The following MYZAP variants were observed in gnomAD, a reference collection of about 807,000 sequenced individuals.
MYZAP encodes myocardial zonula adherens protein, also known as GRINL1A complex locus upstream.
A neutral mutation model predicts 69.4 loss-of-function variants in MYZAP; 66 were observed. The observed-to-expected ratio is 0.95, with a 90% CI of 0.78 to 1.17. The LOEUF (loss-of-function observed/expected upper bound fraction) is 1.17, where lower values mean the gene tolerates loss of function less well. Ranked by LOEUF, MYZAP falls within the 50% of genes most tolerant of loss-of-function variation. MYZAP has a pLI of 0.00. For synonymous variants in MYZAP, 256 were observed against 205.9 expected (o/e 1.24, Z -2.09); for missense variants, 611 against 556.2 (o/e 1.10, Z -0.99).
chr15:57,633,472 C>A, intron 7 of MYZAP, 141 bp from the exon 8 acceptor site: 2 of 1,254,552 alleles, frequency 1.6e-6, no homozygotes, highest in Non-Finnish European at 2.1e-6. Context: ...AGGTTGAGTT[C>A]ATGATCTGTG....
rs780470343 is a variant in MYZAP, at chr15:57,625,833, GC to G, written c.469del (p.Leu157TrpfsTer7). 6.2e-7 allele frequency: 1 copy of G among 1,614,130 alleles called. No individual in the cohort carries two copies. The highest frequency in any genetic ancestry group is 8.5e-7 in the Non-Finnish European group (1 of 1,180,024). On this transcript the variant is annotated frameshift_variant, in exon 5 of 13. Transcript: ENST00000267853. LOFTEE classifies it high-confidence loss of function. Reference sequence around the variant, plus strand: ...GAATCACATCCAAACCCAGTCGTCTGCCCTGGATCGTTTTAATGCCATGAAC... The same window carrying G: ...GAATCACATCCAAACCCAGTCGTCTGCCTGGATCGTTTTAATGCCATGAAC... ...LENHIQTQSS[A>X]LDRFNAMNSA... is the part of the protein sequence containing the mutation.
chr15:57,674,164 C>T (rs1482601747), intron 11 of MYZAP, among the ~76,000 whole-genome samples: 3 of 151,982 alleles, frequency 2.0e-5, no homozygotes, highest in Admixed American at 6.6e-5. Flanking sequence ...TTTTGCCCTT[C>T]GGATTTCAGG....
intron 10 of MYZAP, among the ~76,000 whole-genome samples, chr15:57,657,412 A>C (rs1475813556): frequency 6.6e-6 from 1 of 152,224 alleles, no homozygotes; most frequent in Non-Finnish European, 1.5e-5. Context: ...ACACAAAACA[A>C]ACTTTAACCC....
At chr15:57,628,322 G>A (rs2036281115) in intron 5 of MYZAP, among the ~76,000 whole-genome samples, 1 of 152,052 alleles carries the variant, frequency 6.6e-6, no homozygotes, top group Non-Finnish European at 1.5e-5. Context: ...GCAGGCTGGA[G>A]TGCAGCAGTG....
Position 57,674,907 on chromosome 15 carries a change from A to G in MYZAP, c.1204-61A>G, listed in dbSNP as rs958317066. On this transcript the variant is annotated intron_variant, in intron 11 of 12. Coordinates refer to ENST00000267853, the MANE Select transcript of MYZAP (RefSeq NM_001018100.5). Reference sequence around the variant, plus strand: ...TCAGATAATACATATAAATTGTATCATGCATATTTGAGGGGGAACATATTT... The same window carrying G: ...TCAGATAATACATATAAATTGTATCGTGCATATTTGAGGGGGAACATATTT... 11 of 1,406,992 alleles carry G rather than the reference A, an allele frequency of 7.8e-6. No homozygotes were observed. In the East Asian group the frequency reaches 2.5e-4, roughly 32 times the overall value. 87.2% of individuals were successfully genotyped at this position (1,406,992 alleles called of 1,614,324 possible).
At chr15:57,605,411 A>G (rs1044963406) in intron 2 of MYZAP, among the ~76,000 whole-genome samples, 1 of 152,294 alleles carries the variant, frequency 6.6e-6, no homozygotes, top group Non-Finnish European at 1.5e-5. Flanking sequence ...TCATAAATGG[A>G]GTCATAACAT....
chr15:57,634,576 T>C (rs1357176686), intron 8 of MYZAP, among the ~76,000 whole-genome samples: 2 of 152,180 alleles, frequency 1.3e-5, no homozygotes, highest in Non-Finnish European at 2.9e-5. Flanking sequence ...ACTGTCAGGC[T>C]TCATGTGATG....
At chr15:57,632,370 G>T (rs2036555836) in intron 6 of MYZAP, 64 bp from the exon 7 acceptor site, 1 of 1,606,642 alleles carries the variant, frequency 6.2e-7, no homozygotes, top group South Asian at 1.1e-5. Context: ...GAAATGTGCA[G>T]TGGAAGCTGC....
intron 11 of MYZAP, among the ~76,000 whole-genome samples, chr15:57,665,589 C>T (rs1482347877): frequency 6.6e-6 from 1 of 152,212 alleles, no homozygotes; most frequent in Non-Finnish European, 1.5e-5. Context: ...CCTAGCTGTT[C>T]CCCAAGAACA....
chr15:57,640,243 C>T, intron 10 of MYZAP, among the ~76,000 whole-genome samples: 1 of 152,316 alleles, frequency 6.6e-6, no homozygotes, highest in East Asian at 1.9e-4. Flanking sequence ...TAATCCGCCT[C>T]TCTTGTGGTG....
At chr15:57,651,762 C>G (rs1271098031) in intron 10 of MYZAP, among the ~76,000 whole-genome samples, 1 of 152,146 alleles carries the variant, frequency 6.6e-6, no homozygotes, top group Non-Finnish European at 1.5e-5. Context: ...CAGCAAAGTT[C>G]CTGGTAGCTT....
intron 8 of MYZAP, among the ~76,000 whole-genome samples, chr15:57,636,383 G>A (rs1445349004): frequency 1.3e-5 from 2 of 152,198 alleles, no homozygotes; most frequent in Non-Finnish European, 2.9e-5. Flanking sequence ...AAGGTGGACT[G>A]CTTCCCCACC....
At chr15:57,613,941 A>G (rs899079319) in intron 2 of MYZAP, among the ~76,000 whole-genome samples, 2 of 152,246 alleles carry the variant, frequency 1.3e-5, no homozygotes, top group African/African-American at 4.8e-5. Context: ...ATTTTAAAGG[A>G]TACAAGAGGA....
intron 10 of MYZAP, chr15:57,647,551 A>T (rs888897900): frequency 1.0e-6 from 1 of 985,360 alleles, no homozygotes; most frequent in South Asian, 4.7e-5. Flanking sequence ...CAGGTCACCC[A>T]TGTAAGTCCT....
chr15:57,623,558 C>T lies in MYZAP; in HGVS notation c.411+1858C>T, dbSNP rs1185179848. ...GACCAGCCTGGCCAATGTGGTGAAA[C>T]CCTGTCTCTACTAAAAATACAAAAA... On this transcript the variant is annotated intron_variant, in intron 4 of 12. Coordinates refer to ENST00000267853, the MANE Select transcript of MYZAP (RefSeq NM_001018100.5). Among the ~76,000 whole-genome samples the T allele has an allele frequency of 2.0e-5, 3 of 151,988 alleles. No homozygotes were observed. The East Asian group carries it at 5.8e-4, about 29-fold the overall frequency.
At chr15:57,674,617 C>T (rs1217422996) in intron 11 of MYZAP, among the ~76,000 whole-genome samples, 3 of 152,124 alleles carry the variant, frequency 2.0e-5, no homozygotes, top group Non-Finnish European at 2.9e-5. Flanking sequence ...GAATGGAATA[C>T]TATTAATGAG....
chr15:57,649,957 G>A (rs1401553975), intron 10 of MYZAP, among the ~76,000 whole-genome samples: 1 of 152,154 alleles, frequency 6.6e-6, no homozygotes, highest in Non-Finnish European at 1.5e-5. Flanking sequence ...TAAGTCCCAT[G>A]AGGGCAGGGA....
At chr15:57,625,710 A>C in intron 4 of MYZAP, 69 bp from the exon 5 acceptor site, 1 of 1,441,584 alleles carries the variant, frequency 6.9e-7, no homozygotes, top group Non-Finnish European at 9.7e-7. Context: ...AGAAAGTTCC[A>C]GCCTAACTGA....
intron 2 of MYZAP, among the ~76,000 whole-genome samples, chr15:57,612,775 T>C (rs2035187634): frequency 1.3e-5 from 2 of 152,150 alleles, no homozygotes; most frequent in African/African-American, 2.4e-5. Flanking sequence ...AGGTCAGCCA[T>C]AGTATGGGGC....
Sources: gnomAD v4.1 joint callset for allele counts (sites outside exome capture counted in the v4.1 genomes callset) on GRCh38, gnomAD v4.1.1 for gene constraint, MANE v1.5 for transcripts, NCBI Gene and HGNC (gene_info 2026-07-23, HGNC 2026-07-21) for gene names.